The following BSND variants were observed in gnomAD, a reference collection of about 807,000 sequenced individuals.
The protein encoded by BSND is barttin.
BSND carries 13 observed loss-of-function variants against 18.8 expected under a neutral mutation model. The observed-to-expected ratio is 0.69, with a 90% CI of 0.45 to 1.10. The LOEUF is 1.10. BSND is among the 50% of genes least tolerant of loss of function. The pLI, the probability that BSND is intolerant of heterozygous loss-of-function variation, is 0.00. For synonymous variants in BSND, 170 were observed against 161.8 expected, an observed-to-expected ratio of 1.05 and a Z score of -0.39; for missense variants, 379 against 416.7, an observed-to-expected ratio of 0.91 and a Z score of 0.79.
rs932541843 is a variant in BSND, at chr1:55,017,098, G to A, written c.*8470G>A. Among the ~76,000 whole-genome samples, 1 of 152,110 alleles carries A rather than the reference G, an allele frequency of 6.6e-6. No homozygotes were observed. Among genetic ancestry groups the A allele is most frequent in the African/African-American group, 2.4e-5 (1 of 41,410 alleles). ...TCTGTGAAGGCAAGGACTCTATTAC[G>A]TTCATTATTGTGCCCTCAGTGCTTA... On this transcript the variant is annotated 3_prime_UTR_variant, in exon 4 of 4. Coordinates refer to ENST00000651561, the MANE Select transcript of BSND (RefSeq NM_057176.3).
rs1430935727 is a variant in BSND at position 55,015,104 on chromosome 1, G to A, written c.*6476G>A. 1.3e-5 allele frequency among the ~76,000 whole-genome samples: 2 copies of A among 152,218 alleles called. No homozygotes were observed. Among genetic ancestry groups the A allele is most frequent in the Non-Finnish European group, 2.9e-5 (2 of 68,044 alleles). ...ATTAATTGATGATTCTTGAGCAGAG[G>A]AGTGACATGAAAGAAACATTCAGGT... On this transcript the variant is annotated 3_prime_UTR_variant, in exon 4 of 4. Coordinates refer to ENST00000651561, the MANE Select transcript of BSND (RefSeq NM_057176.3).
At chr1:55,002,049 G>A (rs562244151) in intron 1 of BSND, among the ~76,000 whole-genome samples, 8 of 152,244 alleles carry the variant, frequency 5.3e-5, no homozygotes, top group Admixed American at 1.3e-4. Context: ...GAAGGTCTGG[G>A]GGCAGCCATA....
At chr1:55,001,291 C>T (rs1170774881) in intron 1 of BSND, among the ~76,000 whole-genome samples, 2 of 150,970 alleles carry the variant, frequency 1.3e-5, no homozygotes, top group Non-Finnish European at 2.9e-5. Context: ...TATGTGAAGG[C>T]ATTGTTCTTA....
chr1:55,000,696 C>A (rs1325120364), intron 1 of BSND, among the ~76,000 whole-genome samples: 1 of 152,248 alleles, frequency 6.6e-6, no homozygotes, highest in Non-Finnish European at 1.5e-5. Context: ...GCGGTCTGGG[C>A]TGGTTTGTAG....
rs548455741 is a variant in BSND at position 55,007,901 on chromosome 1, G to A, written c.549-313G>A. On this transcript the variant is annotated intron_variant, in intron 3 of 3. Transcript: ENST00000651561. ...CACCCGGGGACACCTCAGTGTAACT[G>A]GGCCTATGAGCAACAGAGGAGAACC... Among the ~76,000 whole-genome samples, 8 of 152,350 alleles carry A rather than the reference G, an allele frequency of 5.3e-5. No individual in the cohort carries two copies. The South Asian group carries it at 1.7e-3, about 32-fold the overall frequency.
intron 1 of BSND, 45 bp downstream of exon 1, chr1:54,999,408 G>A (rs745659810): frequency 2.5e-6 from 4 of 1,574,748 alleles, no homozygotes; most frequent in Non-Finnish European, 3.5e-6. Flanking sequence ...GCTGGGGCCA[G>A]GAGGGCTGGA....
In BSND at chr1:55,015,386, GC is replaced by G. The variant is rs1198997398; in HGVS notation, c.*6761del. On this transcript the variant is annotated 3_prime_UTR_variant, in exon 4 of 4. Transcript: ENST00000651561. ...TGTTGCTTCCCGCCAAGACACCAGG[GC>G]CCTGGCCAAGGCAGTGCTCAGTTCA... 6.6e-6 allele frequency among the ~76,000 whole-genome samples: 1 copy of G among 152,202 alleles called. No individual in the cohort carries two copies. The highest frequency in any genetic ancestry group is 2.4e-5 in the African/African-American group (1 of 41,440).
At position 55,015,823 on chromosome 1, in the gene BSND, A is replaced by T. The variant is rs983974497; in HGVS notation, c.*7195A>T. Among the ~76,000 whole-genome samples, 1 of 152,106 alleles carries T rather than the reference A, an allele frequency of 6.6e-6. No individual in the cohort carries two copies. The highest frequency in any genetic ancestry group is 2.1e-4 in the South Asian group (1 of 4,822). ...CTGAGCAGAGGGAAGCACGGCGGGGATCTGACCCCACCTGGAGAGTCGGCA... is the reference window on the plus strand; with the variant it reads ...CTGAGCAGAGGGAAGCACGGCGGGGTTCTGACCCCACCTGGAGAGTCGGCA... On this transcript the variant is annotated 3_prime_UTR_variant, in exon 4 of 4. Coordinates refer to ENST00000651561, the MANE Select transcript of BSND (RefSeq NM_057176.3).
Position 55,013,732 on chromosome 1 carries a change from T to C in BSND, c.*5104T>C, listed in dbSNP as rs924156979. On this transcript the variant is annotated 3_prime_UTR_variant, in exon 4 of 4. Transcript: ENST00000651561. Reference sequence around the variant, plus strand: ...CTGCAACATCTTCCATGACTGCCTATTGCCCACAAGATAAAATTCAGATTC... The same window carrying C: ...CTGCAACATCTTCCATGACTGCCTACTGCCCACAAGATAAAATTCAGATTC... 3.3e-5 allele frequency among the ~76,000 whole-genome samples: 5 copies of C among 152,158 alleles called. No individual in the cohort carries two copies. Among genetic ancestry groups the C allele is most frequent in the African/African-American group, 9.7e-5 (4 of 41,430 alleles).
chr1:55,014,452 G>A lies in BSND; in HGVS notation c.*5824G>A, dbSNP rs1644439969. On this transcript the variant is annotated 3_prime_UTR_variant, in exon 4 of 4. Transcript: ENST00000651561. ...GATTGGATGAGATCATGCATATTGA[G>A]TGTAGCATGTGCCTAGCACCTGGTG... is the stretch of plus-strand genomic sequence containing the variant. Among the ~76,000 whole-genome samples, 1 of 152,228 alleles carries A rather than the reference G, an allele frequency of 6.6e-6. No individual in the cohort carries two copies. Among genetic ancestry groups the A allele is most frequent in the African/African-American group, 2.4e-5 (1 of 41,464 alleles).
In BSND at chr1:54,999,258, C is replaced by T. The variant is rs776067180; in HGVS notation, c.72C>T (p.Phe24=). 2 of 1,614,136 alleles carry T rather than the reference C, an allele frequency of 1.2e-6. No individual in the cohort carries two copies. ...LGLFLLALGT[F]LMSHDRPQVY... is the part of the protein sequence containing the mutation. Reference sequence around the variant, plus strand: ...TTTTCCTGCTGGCCCTCGGTACGTTCCTCATGAGCCATGATCGGCCCCAGG... The same window carrying T: ...TTTTCCTGCTGGCCCTCGGTACGTTTCTCATGAGCCATGATCGGCCCCAGG... Residue 24 remains phenylalanine (F), a synonymous_variant, in exon 1 of 4, where the codon TTC becomes TTT. Transcript: ENST00000651561.
In BSND at chr1:54,999,117, C is replaced by T. The variant is rs2500341; in HGVS notation, c.-70C>T. On this transcript the variant is annotated 5_prime_UTR_variant, in exon 1 of 4. Coordinates refer to ENST00000651561, the MANE Select transcript of BSND (RefSeq NM_057176.3). ...CTTCTCTCCCTGTGTAAGCCTGTCT[C>T]GGTGTTTAGGCTGAACTACAGCCAC... 1 of 1,582,254 alleles carries T rather than the reference C, an allele frequency of 6.3e-7. No individual in the cohort carries two copies. Among genetic ancestry groups the T allele is most frequent in the South Asian group, 1.1e-5 (1 of 90,506 alleles).
At chr1:54,999,928 C>T (rs1336118656) in intron 1 of BSND, among the ~76,000 whole-genome samples, 1 of 152,160 alleles carries the variant, frequency 6.6e-6, no homozygotes, top group Non-Finnish European at 1.5e-5. Context: ...GTGGCATGCA[C>T]TGGGCAGTAT....
intron 1 of BSND, among the ~76,000 whole-genome samples, chr1:55,004,755 G>A (rs1173966909): frequency 6.6e-6 from 1 of 152,202 alleles, no homozygotes; most frequent in African/African-American, 2.4e-5. Flanking sequence ...ACTCCTTGCT[G>A]CTCCTAGTGC....
At chr1:55,002,415 G>A (rs946054266) in intron 1 of BSND, among the ~76,000 whole-genome samples, 17 of 152,204 alleles carry the variant, frequency 1.1e-4, no homozygotes, top group Non-Finnish European at 1.8e-4. Context: ...CTCTGCCCAC[G>A]CATCCCCCAT....
Position 55,008,939 on chromosome 1 carries a change from TG to T in BSND, c.*313del, listed in dbSNP as rs1030802179. 5 of 442,122 alleles carry T rather than the reference TG, an allele frequency of 1.1e-5. No individual in the cohort carries two copies. Among genetic ancestry groups the T allele is most frequent in the African/African-American group, 1.0e-4 (5 of 49,970 alleles). The allele number at this position is 442,122 out of a possible 1,614,324, so 27.4% of individuals were successfully genotyped here. A position where few individuals can be genotyped will look rare whatever the true frequency, so the allele number is the denominator to read the frequency against. On this transcript the variant is annotated 3_prime_UTR_variant, in exon 4 of 4. Transcript: ENST00000651561. The stretch of plus-strand genomic sequence containing the variant: ...GCTGACCTCTGAGAGGAACCTTCCT[TG>T]GTGCTCCCTCTGGGCCCCTGATCCT...
chr1:55,003,342 T>C (rs1277673662), intron 1 of BSND, among the ~76,000 whole-genome samples: 3 of 152,310 alleles, frequency 2.0e-5, no homozygotes, highest in East Asian at 3.9e-4. Flanking sequence ...TGCCTCAGTC[T>C]CCCAAGTAGC....
chr1:55,004,976 C>A (rs749409330), intron 1 of BSND, 46 bp from the exon 2 acceptor site: 2 of 1,575,864 alleles, frequency 1.3e-6, no homozygotes, highest in Non-Finnish European at 1.7e-6. Context: ...CAGTAGCCCC[C>A]CTACCCTGGT....
intron 3 of BSND, 100 bp from the exon 4 acceptor site, chr1:55,008,114 T>G (rs1644400708): frequency 1.0e-6 from 1 of 969,836 alleles, no homozygotes. Context: ...CCCGGGAAGG[T>G]GGATTATCCT....
Sources: allele counts gnomAD v4.1 joint callset (sites outside exome capture counted in the v4.1 genomes callset), GRCh38; gene constraint gnomAD v4.1.1; transcripts MANE v1.5; gene names NCBI Gene and HGNC (gene_info 2026-07-23, HGNC 2026-07-21).